KIAA1217: variants seen among roughly 807,000 people sequenced by gnomAD.
KIAA1217 encodes KIAA1217.
A neutral mutation model predicts 163.9 loss-of-function variants in KIAA1217; 88 were observed. The ratio of observed to expected loss-of-function variants is 0.54; its 90% CI spans 0.45 to 0.64. The LOEUF (loss-of-function observed/expected upper bound fraction) is 0.64, where lower values mean the gene tolerates loss of function less well. Among genes scored for constraint, KIAA1217 ranks in the 30% least tolerant of loss-of-function variants. The pLI, the probability that KIAA1217 is intolerant of heterozygous loss-of-function variation, is 0.00. For synonymous variants in KIAA1217, 903 were observed against 923.1 expected (o/e 0.98, Z 0.39); for missense variants, 2,372 against 2,475.0 (o/e 0.96, Z 0.88).
intron 1 of KIAA1217, among the ~76,000 whole-genome samples, chr10:23,921,281 A>G (rs1045605052): frequency 2.2e-4 from 33 of 152,224 alleles, no homozygotes; most frequent in African/African-American, 8.0e-4. Flanking sequence ...GGTCAGGGAC[A>G]CAGAACACCC....
intron 2 of KIAA1217, among the ~76,000 whole-genome samples, chr10:24,361,650 T>A (rs950820763): frequency 6.6e-6 from 1 of 152,214 alleles, no homozygotes; most frequent in Middle Eastern, 3.4e-3. Flanking sequence ...TGTAGATAAC[T>A]GTAGATTATT....
chr10:23,884,855 G>A (rs1008514883), intron 1 of KIAA1217, among the ~76,000 whole-genome samples: 1 of 151,844 alleles, frequency 6.6e-6, no homozygotes. Flanking sequence ...AGAGGGTCTG[G>A]CACCTGGTAA....
At chr10:23,938,349 G>A (rs1843619384) in intron 1 of KIAA1217, among the ~76,000 whole-genome samples, 1 of 151,978 alleles carries the variant, frequency 6.6e-6, no homozygotes, top group South Asian at 2.1e-4. Context: ...TTAAATGCAA[G>A]CCTTGATTGA....
At chr10:24,485,545 C>T (rs763222350) in intron 6 of KIAA1217, among the ~76,000 whole-genome samples, 3 of 152,206 alleles carry the variant, frequency 2.0e-5, no homozygotes, top group Non-Finnish European at 4.4e-5. Context: ...TGCAACACTC[C>T]CCCGCAGTCT....
At chr10:24,198,790 A>G (rs534241297) in intron 2 of KIAA1217, among the ~76,000 whole-genome samples, 1 of 152,282 alleles carries the variant, frequency 6.6e-6, no homozygotes, top group African/African-American at 2.4e-5. Context: ...CTTGGCCTCC[A>G]CCACTGGCAA....
intron 1 of KIAA1217, among the ~76,000 whole-genome samples, chr10:23,704,667 C>G (rs1053120333): frequency 9.2e-5 from 14 of 152,084 alleles, no homozygotes; most frequent in African/African-American, 3.1e-4. Context: ...AATAAAAGTT[C>G]ATTGTATGGA....
intron 1 of KIAA1217, among the ~76,000 whole-genome samples, chr10:23,965,286 C>T (rs1198438931): frequency 2.6e-5 from 4 of 152,222 alleles, no homozygotes; most frequent in South Asian, 2.1e-4. Context: ...TCTGGGAAAG[C>T]GTGACCTGCA....
At chr10:24,298,897 G>A (rs929204945) in intron 2 of KIAA1217, among the ~76,000 whole-genome samples, 52 of 152,268 alleles carry the variant, frequency 3.4e-4, no homozygotes, top group African/African-American at 1.3e-3. Flanking sequence ...CATGTATGGG[G>A]CAACTTGTCA....
intron 1 of KIAA1217, among the ~76,000 whole-genome samples, chr10:24,216,788 C>G (rs1589975664): frequency 7.0e-6 from 1 of 143,824 alleles, no homozygotes; most frequent in Middle Eastern, 3.6e-3. Context: ...GATCGCACCA[C>G]TGCACTCCAG....
intron 1 of KIAA1217, among the ~76,000 whole-genome samples, chr10:23,975,985 T>A (rs1845523953): frequency 6.6e-6 from 1 of 152,196 alleles, no homozygotes; most frequent in South Asian, 2.1e-4. Context: ...GGACTGCTCT[T>A]GTTAGCACTC....
intron 2 of KIAA1217, among the ~76,000 whole-genome samples, chr10:24,135,704 A>C (rs1436451201): frequency 6.6e-6 from 1 of 152,116 alleles, no homozygotes; most frequent in Admixed American, 6.5e-5. Context: ...GCACAGACCT[A>C]GGCCTGAAGG....
At chr10:24,425,785 C>T (rs916282311) in intron 3 of KIAA1217, among the ~76,000 whole-genome samples, 9 of 152,118 alleles carry the variant, frequency 5.9e-5, no homozygotes, top group African/African-American at 1.9e-4. Context: ...ACTTTGGGGG[C>T]TTTTGATACA....
chr10:23,939,400 A>G (rs541271290), intron 1 of KIAA1217, among the ~76,000 whole-genome samples: 24 of 152,294 alleles, frequency 1.6e-4, no homozygotes, highest in African/African-American at 5.8e-4. Context: ...AAGTAAAAAG[A>G]TAGAAAAAGG....
intron 2 of KIAA1217, among the ~76,000 whole-genome samples, chr10:24,360,865 C>T (rs1245195413): frequency 6.7e-6 from 1 of 149,676 alleles, no homozygotes; most frequent in African/African-American, 2.5e-5. Context: ...CCTGTTGTTT[C>T]AAATTTATCA....
chr10:23,736,069 TGA>T (rs2130798817), intron 1 of KIAA1217, among the ~76,000 whole-genome samples: 1 of 152,370 alleles, frequency 6.6e-6, no homozygotes, highest in East Asian at 1.9e-4. Flanking sequence ...TGGCAGTGTA[TGA>T]GAGTTTCATC....
chr10:24,534,881 C>CA lies in KIAA1217; in HGVS notation c.3414+1666dup, dbSNP rs71506838. Reference sequence around the variant, plus strand: ...GGGTGACAAGAGTGAAACTCTGTCTCAAAAAAAAAAAAAAAAAAAAAAGCG... The same window carrying CA: ...GGGTGACAAGAGTGAAACTCTGTCTCAAAAAAAAAAAAAAAAAAAAAAAGCG... On this transcript the variant is annotated intron_variant, in intron 16 of 20. Transcript: ENST00000376454. Among the ~76,000 whole-genome samples the CA allele has an allele frequency of 5.7e-3, 409 of 71,634 alleles. 8 individuals carry two copies. The highest frequency in any genetic ancestry group is 0.014 in the East Asian group (31 of 2,178). 47.0% of individuals were successfully genotyped at this position (71,634 alleles called of 152,430 possible).
intron 16 of KIAA1217, among the ~76,000 whole-genome samples, chr10:24,536,510 A>T (rs2074034683): frequency 6.6e-6 from 1 of 152,214 alleles, no homozygotes; most frequent in African/African-American, 2.4e-5. Flanking sequence ...CACCCCAGAC[A>T]GGCAGAAAAG....
chr10:23,757,857 G>A (rs1428677373), intron 1 of KIAA1217, among the ~76,000 whole-genome samples: 15 of 152,036 alleles, frequency 9.9e-5, no homozygotes. Flanking sequence ...TTTCTTATTT[G>A]GAAAAATGTC....
At chr10:23,811,660 A>G (rs534330253) in intron 1 of KIAA1217, among the ~76,000 whole-genome samples, 1 of 152,140 alleles carries the variant, frequency 6.6e-6, no homozygotes, top group Admixed American at 6.6e-5. Flanking sequence ...GCACTCTTCC[A>G]AGCAAGAGAT....
Sources: allele counts gnomAD v4.1 joint callset (sites outside exome capture counted in the v4.1 genomes callset), GRCh38; gene constraint gnomAD v4.1.1; transcripts MANE v1.5; gene names NCBI Gene and HGNC (gene_info 2026-07-23, HGNC 2026-07-21).